Variants in PPHLN1 observed in about 807,000 individuals in gnomAD.
The protein encoded by PPHLN1 is periphilin 1.
Under a neutral mutation model 51.3 loss-of-function variants are expected in PPHLN1, and 29 were observed. The ratio of observed to expected loss-of-function variants is 0.57; its 90% CI spans 0.42 to 0.77. PPHLN1 has a LOEUF of 0.77. Ranked by LOEUF, PPHLN1 falls within the 30% of genes least tolerant of loss-of-function variation. The pLI is 0.00. For missense variants in PPHLN1, 436 were observed against 438.4 expected (o/e 0.99, Z 0.05); for synonymous variants, 147 against 147.8 (o/e 0.99, Z 0.04).
At chr12:42,355,332 T>TTGAA in intron 4 of PPHLN1, 110 bp downstream of exon 4, 1 of 957,456 alleles carries the variant, frequency 1.0e-6, no homozygotes, top group Non-Finnish European at 1.6e-6. Context: ...ACTGGGATTT[T>TTGAA]AAATTTTGAA....
chr12:42,387,454 A>G lies in PPHLN1; in HGVS notation c.569-2A>G. The G allele has an allele frequency of 6.2e-7, 1 of 1,600,336 alleles. No individual in the cohort carries two copies. The highest frequency in any genetic ancestry group is 8.5e-7 in the Non-Finnish European group (1 of 1,176,068). On this transcript the variant is annotated splice_acceptor_variant, in intron 6 of 9. Coordinates refer to ENST00000358314, the MANE Select transcript of PPHLN1 (RefSeq NM_201439.2). LOFTEE classifies it high-confidence loss of function. Reference sequence around the variant, plus strand: ...AATTACATCTTATGTTTTCTTATATAGATAAAGAGAGGCCTGTCCAGTCTT... The same window carrying G: ...AATTACATCTTATGTTTTCTTATATGGATAAAGAGAGGCCTGTCCAGTCTT...
intron 9 of PPHLN1, among the ~76,000 whole-genome samples, chr12:42,429,027 A>C (rs1267277801): frequency 6.6e-6 from 1 of 152,102 alleles, no homozygotes; most frequent in East Asian, 1.9e-4. Flanking sequence ...AAGCCAAATG[A>C]AATTTTATCA....
At position 42,335,866 on chromosome 12, in the gene PPHLN1, CTTTTTT is replaced by C; in HGVS notation, c.-20-12_-20-7del. On this transcript the variant is annotated splice_polypyrimidine_tract_variant and intron_variant, in intron 1 of 9. Coordinates refer to ENST00000358314, the MANE Select transcript of PPHLN1 (RefSeq NM_201439.2). Reference sequence around the variant, plus strand: ...ACTTCCTAGTATAAAATCCATAATTCTTTTTTTTTTCTTTAGTGGCTTACAGAAGAG... The same window carrying C: ...ACTTCCTAGTATAAAATCCATAATTCTTTTCTTTAGTGGCTTACAGAAGAG... 1 of 1,298,034 alleles carries C rather than the reference CTTTTTT, an allele frequency of 7.7e-7. No homozygotes were observed. The highest frequency in any genetic ancestry group is 1.0e-6 in the Non-Finnish European group (1 of 960,152). The allele number at this position is 1,298,034 out of a possible 1,614,324, so 80.4% of individuals were successfully genotyped here.
In PPHLN1 at chr12:42,398,874, GT is replaced by G. The variant is rs2078534829; in HGVS notation, c.792del (p.Phe264LeufsTer16). ...TCAAGGCGGGATCCACAGCACCATT[GT>G]TTACTGACCAGCCAGAGGAACCTGA... is the stretch of plus-strand genomic sequence containing the variant. Reference protein sequence around the residue: ...EYEAGSTAPLFTDQPEEPESN... With the variant: ...EYEAGSTAPLXTDQPEEPESN... On this transcript the variant is annotated frameshift_variant, in exon 9 of 10. Transcript: ENST00000358314. LOFTEE classifies it high-confidence loss of function. 1.9e-6 allele frequency: 3 copies of G among 1,613,818 alleles called. No individual in the cohort carries two copies. The highest frequency in any genetic ancestry group is 2.5e-6 in the Non-Finnish European group (3 of 1,179,890).
chr12:42,430,678 G>A (rs765469163), intron 9 of PPHLN1, among the ~76,000 whole-genome samples: 23 of 151,900 alleles, frequency 1.5e-4, no homozygotes, highest in Admixed American at 3.3e-4. Flanking sequence ...ATTTTTAGTC[G>A]AGACGGGGTT....
At chr12:42,443,075 C>T (rs754592120), downstream of PPHLN1, 6 of 229,394 alleles carry the variant, frequency 2.6e-5, no homozygotes, top group Non-Finnish European at 4.4e-5. Flanking sequence ...CTACTTTGGC[C>T]TTGCTCTACA....
intron 9 of PPHLN1, among the ~76,000 whole-genome samples, chr12:42,440,454 G>A (rs1269312313): frequency 6.6e-6 from 1 of 152,120 alleles, no homozygotes; most frequent in African/African-American, 2.4e-5. Context: ...CTGTTGTTGA[G>A]TTCTAATTCC....
intron 7 of PPHLN1, 139 bp from the exon 8 acceptor site, chr12:42,393,431 A>G (rs2077908467): frequency 2.7e-6 from 2 of 752,226 alleles, no homozygotes; most frequent in East Asian, 5.6e-5. Context: ...TTTTTGAAGG[A>G]GGAAATAAAG....
chr12:42,446,055 C>A (rs772473135), downstream of PPHLN1: 1 of 1,550,608 alleles, frequency 6.4e-7, no homozygotes, highest in Non-Finnish European at 8.7e-7. Context: ...ATGAAGGAAA[C>A]GACCCTGCAG....
intron 8 of PPHLN1, among the ~76,000 whole-genome samples, chr12:42,393,912 G>C (rs190957775): frequency 2.2e-4 from 33 of 152,188 alleles, no homozygotes; most frequent in African/African-American, 7.7e-4. Context: ...TGTAAGAATA[G>C]TATAAATATG....
At chr12:42,382,964 A>G (rs2076881945) in intron 5 of PPHLN1, among the ~76,000 whole-genome samples, 1 of 152,226 alleles carries the variant, frequency 6.6e-6, no homozygotes, top group African/African-American at 2.4e-5. Context: ...ACAAAAAACA[A>G]AAACAAAACA....
chr12:42,408,662 G>A (rs2079530025), intron 9 of PPHLN1, among the ~76,000 whole-genome samples: 1 of 152,174 alleles, frequency 6.6e-6, no homozygotes, highest in African/African-American at 2.4e-5. Context: ...GCTCATCATT[G>A]TAATGGGATT....
chr12:42,362,921 G>A lies in PPHLN1; in HGVS notation c.299+7699G>A, dbSNP rs190952850. The stretch of plus-strand genomic sequence containing the variant: ...TTGAAGGCCAGAGTAATGTCTCCCT[G>A]TTTGTCAAACAGCAGGCTTGCTTAT... On this transcript the variant is annotated intron_variant, in intron 4 of 9. Coordinates refer to ENST00000358314, the MANE Select transcript of PPHLN1 (RefSeq NM_201439.2). Among the ~76,000 whole-genome samples, 145 of 152,292 alleles carry A rather than the reference G, an allele frequency of 9.5e-4. 5 individuals are homozygous for A. The highest frequency in any genetic ancestry group is 9.2e-3 in the Admixed American group (141 of 15,294).
chr12:42,431,088 G>C (rs1263592910), intron 9 of PPHLN1, among the ~76,000 whole-genome samples: 1 of 152,152 alleles, frequency 6.6e-6, no homozygotes, highest in African/African-American at 2.4e-5. Context: ...CCTCAAGGTG[G>C]AACAGTCACT....
chr12:42,442,673 C>G (rs148115447), downstream of PPHLN1: 32 of 1,613,988 alleles, frequency 2.0e-5, no homozygotes, highest in Middle Eastern at 1.6e-4. Flanking sequence ...GCAGGTACCC[C>G]CTGTGAGGAA....
chr12:42,441,536 A>AC lies in PPHLN1; in HGVS notation c.*27_*28insC, dbSNP rs750461146. ...TTTTTCTGCTCAGGCTAAAAAAAAA[A>AC]AAAAACAGTTTCTAAAAATTTTTTT... is the stretch of plus-strand genomic sequence containing the variant. On this transcript the variant is annotated 3_prime_UTR_variant, in exon 10 of 10. Transcript: ENST00000358314. 2.9e-5 allele frequency: 45 copies of AC among 1,526,932 alleles called. No homozygotes were observed. Among genetic ancestry groups the AC allele is most frequent in the Non-Finnish European group, 8.8e-7 (1 of 1,142,514 alleles). The allele number at this position is 1,526,932 out of a possible 1,614,324, so 94.6% of individuals were successfully genotyped here.
intron 3 of PPHLN1, 87 bp downstream of exon 3, chr12:42,352,136 A>G: frequency 8.2e-7 from 1 of 1,213,846 alleles, no homozygotes; most frequent in Non-Finnish European, 1.1e-6. Flanking sequence ...CGGCCGTGAA[A>G]GCAGTTGAAT....
intron 4 of PPHLN1, among the ~76,000 whole-genome samples, chr12:42,363,111 A>T (rs1414881813): frequency 6.6e-6 from 1 of 152,088 alleles, no homozygotes; most frequent in Non-Finnish European, 1.5e-5. Context: ...CTATGCTATG[A>T]GTGATAAAGT....
intron 9 of PPHLN1, among the ~76,000 whole-genome samples, chr12:42,411,078 A>G (rs551013624): frequency 2.0e-3 from 309 of 152,130 alleles, no homozygotes; most frequent in African/African-American, 7.2e-3. Context: ...AATATTTAAT[A>G]TCCTCTATTT....
Sources: allele counts gnomAD v4.1 joint callset (sites outside exome capture counted in the v4.1 genomes callset), GRCh38; gene constraint gnomAD v4.1.1; transcripts MANE v1.5; gene names NCBI Gene and HGNC (gene_info 2026-07-23, HGNC 2026-07-21).